Variants in PLEKHA7 observed in about 807,000 individuals in gnomAD.
PLEKHA7 encodes the protein pleckstrin homology domain containing A7.
A neutral mutation model predicts 170.0 loss-of-function variants in PLEKHA7; 104 were observed. The ratio of observed to expected loss-of-function variants is 0.61; its 90% CI spans 0.52 to 0.72. PLEKHA7 has a LOEUF of 0.72. Ranked by LOEUF, PLEKHA7 falls within the 30% of genes least tolerant of loss-of-function variation. The probability of loss-of-function intolerance (pLI) is 0.00; values close to 1 mark genes in which losing one functional copy is unlikely to be tolerated. For synonymous variants in PLEKHA7, 648 were observed against 660.8 expected (o/e 0.98, Z 0.30); for missense variants, 1,615 against 1,671.7 (o/e 0.97, Z 0.59).
At chr11:16,927,040 GC>G (rs1265694321) in intron 3 of PLEKHA7, among the ~76,000 whole-genome samples, 1 of 151,756 alleles carries the variant, frequency 6.6e-6, no homozygotes, top group Non-Finnish European at 1.5e-5. Context: ...AGGCGTGGTA[GC>G]GCTAGCCCGC....
chr11:16,806,715 C>A (rs1379156612), intron 13 of PLEKHA7, among the ~76,000 whole-genome samples: 2 of 152,214 alleles, frequency 1.3e-5, no homozygotes, highest in East Asian at 3.8e-4. Context: ...CAACTGCCTG[C>A]CCCCAAAAAG....
chr11:16,828,543 G>A (rs1414931202), intron 9 of PLEKHA7, among the ~76,000 whole-genome samples: 4 of 152,108 alleles, frequency 2.6e-5, no homozygotes, highest in Non-Finnish European at 2.9e-5. Flanking sequence ...CATTCTTCTC[G>A]CTGTTCACGT....
At chr11:16,992,427 T>C (rs4757474) in intron 3 of PLEKHA7, among the ~76,000 whole-genome samples, 60,543 of 152,074 alleles carry the variant, frequency 0.4, 12,653 homozygotes, top group East Asian at 0.57. Context: ...AGAATCATAA[T>C]ATGCCACCTG....
At chr11:16,837,999 C>A (rs1371739680) in intron 9 of PLEKHA7, among the ~76,000 whole-genome samples, 1 of 152,054 alleles carries the variant, frequency 6.6e-6, no homozygotes, top group African/African-American at 2.4e-5. Flanking sequence ...GGGAAAAGAC[C>A]AGACTATCAG....
intron 3 of PLEKHA7, among the ~76,000 whole-genome samples, chr11:16,938,375 T>C (rs537789208): frequency 2.0e-5 from 3 of 152,298 alleles, no homozygotes; most frequent in East Asian, 3.9e-4. Flanking sequence ...CCCTTTATCA[T>C]GTATTTATGC....
intron 3 of PLEKHA7, among the ~76,000 whole-genome samples, chr11:16,877,108 A>T (rs1253127341): frequency 6.6e-6 from 1 of 152,158 alleles, no homozygotes; most frequent in Non-Finnish European, 1.5e-5. Flanking sequence ...TCTATTAAAG[A>T]TCTTCTCATT....
At chr11:16,944,994 T>TG in intron 3 of PLEKHA7, among the ~76,000 whole-genome samples, 1 of 152,196 alleles carries the variant, frequency 6.6e-6, no homozygotes, top group Non-Finnish European at 1.5e-5. Context: ...TCAAGTGCAG[T>TG]GGCACCATCT....
chr11:16,911,469 CATTAGCCAAA>C (rs1338979784), intron 3 of PLEKHA7, among the ~76,000 whole-genome samples: 12 of 152,178 alleles, frequency 7.9e-5, no homozygotes, highest in Admixed American at 7.9e-4. Flanking sequence ...AAGTCGTGTG[CATTAGCCAAA>C]AAGGAGTGCA....
At chr11:16,903,852 C>T (rs1421603735) in intron 3 of PLEKHA7, among the ~76,000 whole-genome samples, 2 of 152,332 alleles carry the variant, frequency 1.3e-5, no homozygotes, top group Non-Finnish European at 2.9e-5. Flanking sequence ...CCACCTGGGG[C>T]AGCACACAGT....
intron 3 of PLEKHA7, among the ~76,000 whole-genome samples, chr11:16,908,367 G>T (rs1368969099): frequency 6.6e-6 from 1 of 152,014 alleles, no homozygotes; most frequent in Non-Finnish European, 1.5e-5. Flanking sequence ...ATTGGACACA[G>T]AGATGACTAT....
At chr11:16,921,104 G>T (rs1859054785) in intron 3 of PLEKHA7, among the ~76,000 whole-genome samples, 1 of 152,118 alleles carries the variant, frequency 6.6e-6, no homozygotes, top group African/African-American at 2.4e-5. Context: ...TTTTTTTGTT[G>T]TTGTTGTTCC....
At chr11:16,918,758 T>C (rs1452091875) in intron 3 of PLEKHA7, among the ~76,000 whole-genome samples, 1 of 152,230 alleles carries the variant, frequency 6.6e-6, no homozygotes, top group Non-Finnish European at 1.5e-5. Context: ...TTGTCCAACC[T>C]GTACTTCCAC....
intron 3 of PLEKHA7, among the ~76,000 whole-genome samples, chr11:16,923,037 C>T (rs2136255759): frequency 6.6e-6 from 1 of 152,338 alleles, no homozygotes; most frequent in East Asian, 1.9e-4. Flanking sequence ...CCCCACCATT[C>T]CACAGTCTGA....
At chr11:16,970,736 C>T (rs7942983) in intron 3 of PLEKHA7, among the ~76,000 whole-genome samples, 177 of 151,938 alleles carry the variant, frequency 1.2e-3, no homozygotes, top group African/African-American at 3.8e-3. Context: ...GAACAATTAA[C>T]GAGGAATTGT....
chr11:16,790,114 AC>A, intron 21 of PLEKHA7: 2 of 525,562 alleles, frequency 3.8e-6, no homozygotes, highest in Non-Finnish European at 6.8e-6. Context: ...TCTGTGGACC[AC>A]CCCAGGCTTC....
intron 3 of PLEKHA7, among the ~76,000 whole-genome samples, chr11:16,878,195 C>A (rs1191777922): frequency 6.6e-6 from 1 of 152,112 alleles, no homozygotes; most frequent in Non-Finnish European, 1.5e-5. Flanking sequence ...TTGAATTCAT[C>A]CACACTCCTC....
At chr11:16,815,921 T>G (rs905822606) in intron 12 of PLEKHA7, among the ~76,000 whole-genome samples, 2 of 152,176 alleles carry the variant, frequency 1.3e-5, no homozygotes, top group Non-Finnish European at 2.9e-5. Flanking sequence ...GAAAAATGTT[T>G]CTGGCAAAAT....
intron 3 of PLEKHA7, among the ~76,000 whole-genome samples, chr11:16,908,501 C>CT (rs4030729): frequency 0.13 from 18,154 of 145,058 alleles, 1,373 homozygotes; most frequent in South Asian, 0.29. Context: ...ATTTTTTTTT[C>CT]TTTTTTTTTT....
chr11:16,819,581 T>C (rs1006601612), intron 10 of PLEKHA7, among the ~76,000 whole-genome samples: 3 of 152,244 alleles, frequency 2.0e-5, no homozygotes, highest in Non-Finnish European at 4.4e-5. Flanking sequence ...GGTGCTGATA[T>C]TGTGCCAGAC....
Sources: allele counts gnomAD v4.1 joint callset (sites outside exome capture counted in the v4.1 genomes callset), GRCh38; gene constraint gnomAD v4.1.1; transcripts MANE v1.5; gene names NCBI Gene and HGNC (gene_info 2026-07-23, HGNC 2026-07-21).